Variants in CCDC102B observed in about 807,000 individuals in gnomAD.
CCDC102B encodes the protein coiled-coil domain-containing protein 102B.
A neutral mutation model predicts 57.4 loss-of-function variants in CCDC102B; 75 were observed. That is an observed-to-expected ratio of 1.31 (90% confidence interval 1.08 to 1.58). CCDC102B has a LOEUF of 1.58. CCDC102B is among the 40% of genes most tolerant of loss of function. The pLI is 0.00. For missense variants in CCDC102B, 636 were observed against 582.6 expected (o/e 1.09, Z -0.94); for synonymous variants, 206 against 201.9 (o/e 1.02, Z -0.17).
exon 1 of CCDC102B, chr18:68,715,314 C>T: frequency 8.8e-7 from 1 of 1,133,664 alleles, no homozygotes; most frequent in Admixed American, 4.6e-5. Context: ...TTCACTGGGG[C>T]GCGTTTCCGG....
Position 68,837,234 on chromosome 18 carries a change from T to A in CCDC102B, c.471T>A (p.Asp157Glu). 6.2e-7 allele frequency: 1 copy of A among 1,614,110 alleles called. No homozygotes were observed. The highest frequency in any genetic ancestry group is 8.5e-7 in the Non-Finnish European group (1 of 1,180,008). The part of the protein sequence containing the change: ...KEALEAKVTQ[D>E]LKLPGFVEES... ...CATTAGAAGCTAAAGTTACCCAGGATCTGAAGCTTCCTGGCTTCGTAGAAG... is the reference window on the plus strand; with the variant it reads ...CATTAGAAGCTAAAGTTACCCAGGAACTGAAGCTTCCTGGCTTCGTAGAAG... The change falls in exon 2 of 8, where the codon GAT becomes GAA. Residue 157 changes from aspartate (D) to glutamate (E), a missense_variant. Transcript: ENST00000360242.
chr18:68,853,298 A>G (rs1348680066), intron 4 of CCDC102B, among the ~76,000 whole-genome samples: 1 of 152,202 alleles, frequency 6.6e-6, no homozygotes, highest in Non-Finnish European at 1.5e-5. Flanking sequence ...TTTGTGGGAT[A>G]GAAACTTCAA....
At chr18:68,942,276 G>A (rs796982180) in intron 6 of CCDC102B, among the ~76,000 whole-genome samples, 20 of 152,194 alleles carry the variant, frequency 1.3e-4, no homozygotes, top group African/African-American at 4.8e-4. Context: ...AGATGAAGGG[G>A]TGGCCTGCCC....
chr18:68,723,831 T>C (rs2032471701), intron 2 of CCDC102B, among the ~76,000 whole-genome samples: 1 of 152,174 alleles, frequency 6.6e-6, no homozygotes, highest in Non-Finnish European at 1.5e-5. Context: ...GTGTGGAGGA[T>C]GGAGGCCCTC....
chr18:68,910,990 G>C (rs1294050101), intron 6 of CCDC102B, among the ~76,000 whole-genome samples: 1 of 152,050 alleles, frequency 6.6e-6, no homozygotes, highest in Non-Finnish European at 1.5e-5. Context: ...GTTGGTGGGA[G>C]TGTAAATGAG....
At chr18:68,988,123 A>G (rs146214021) in intron 6 of CCDC102B, among the ~76,000 whole-genome samples, 1 of 152,306 alleles carries the variant, frequency 6.6e-6, no homozygotes, top group Non-Finnish European at 1.5e-5. Context: ...TATTCACAAG[A>G]GCAAAGATAG....
intron 1 of CCDC102B, among the ~76,000 whole-genome samples, chr18:68,813,997 G>C (rs1048913088): frequency 6.6e-6 from 1 of 151,972 alleles, no homozygotes; most frequent in Admixed American, 6.6e-5. Flanking sequence ...GTTAGTAAGA[G>C]AAGCCTAAAT....
chr18:68,743,955 A>G (rs1237290543), intron 2 of CCDC102B, among the ~76,000 whole-genome samples: 2 of 152,200 alleles, frequency 1.3e-5, no homozygotes, highest in Non-Finnish European at 2.9e-5. Context: ...CAAGGTTAAG[A>G]CATTTTTATT....
intron 5 of CCDC102B, among the ~76,000 whole-genome samples, chr18:68,889,533 C>A (rs141853217): frequency 0.011 from 1,620 of 152,300 alleles, 38 homozygotes; most frequent in East Asian, 0.08. Flanking sequence ...GATTCTCCTG[C>A]CTCAGCCTCC....
At chr18:68,870,390 G>A (rs1013072192) in intron 4 of CCDC102B, among the ~76,000 whole-genome samples, 5 of 152,172 alleles carry the variant, frequency 3.3e-5, no homozygotes, top group African/African-American at 9.6e-5. Flanking sequence ...ATTATCCTTC[G>A]ACCCTTGATC....
intron 6 of CCDC102B, among the ~76,000 whole-genome samples, chr18:68,935,393 AAATG>A (rs1200009406): frequency 6.6e-6 from 1 of 151,974 alleles, no homozygotes; most frequent in Admixed American, 6.6e-5. Flanking sequence ...AATGATATAG[AAATG>A]AATGTGTATC....
chr18:69,033,707 T>A (rs988554971), intron 7 of CCDC102B, among the ~76,000 whole-genome samples: 1 of 152,018 alleles, frequency 6.6e-6, no homozygotes, highest in Non-Finnish European at 1.5e-5. Context: ...GATGTATGTT[T>A]TTTTTTCCCT....
At chr18:68,944,694 T>TAAC (rs1488074029) in intron 6 of CCDC102B, among the ~76,000 whole-genome samples, 1 of 151,366 alleles carries the variant, frequency 6.6e-6, no homozygotes, top group Non-Finnish European at 1.5e-5. Context: ...TCATAGCAAA[T>TAAC]AATAATAATA....
At chr18:68,787,039 G>T (rs879850288) in intron 2 of CCDC102B, among the ~76,000 whole-genome samples, 9,953 of 149,932 alleles carry the variant, frequency 0.066, 627 homozygotes, top group African/African-American at 0.16. Context: ...TAGCATGAAG[G>T]GTTGTTGAAT....
chr18:68,906,922 G>GATACCTTT (rs58424371), intron 6 of CCDC102B, among the ~76,000 whole-genome samples: 5,640 of 149,540 alleles, frequency 0.038, 179 homozygotes, highest in African/African-American at 0.082. Flanking sequence ...GTTTATTTCT[G>GATACCTTT]ATACTTTTAT....
chr18:69,055,576 C>T (rs531262715), downstream of CCDC102B, among the ~76,000 whole-genome samples: 1 of 151,390 alleles, frequency 6.6e-6, no homozygotes, highest in Non-Finnish European at 1.5e-5. Flanking sequence ...AGTCACAATC[C>T]CATATGAGAA....
intron 5 of CCDC102B, among the ~76,000 whole-genome samples, chr18:68,893,869 C>T (rs1216926453): frequency 6.6e-6 from 1 of 152,078 alleles, no homozygotes; most frequent in African/African-American, 2.4e-5. Flanking sequence ...CCGTGTTTGT[C>T]CAGTTTCCTT....
At chr18:68,973,573 T>A (rs1293147999) in intron 6 of CCDC102B, among the ~76,000 whole-genome samples, 2 of 152,136 alleles carry the variant, frequency 1.3e-5, no homozygotes, top group Non-Finnish European at 2.9e-5. Flanking sequence ...GTACACTTTT[T>A]CTTATAAAAC....
intron 5 of CCDC102B, among the ~76,000 whole-genome samples, chr18:68,885,335 A>G (rs74622514): frequency 1.3e-3 from 193 of 152,210 alleles, no homozygotes; most frequent in Non-Finnish European, 2.4e-3. Flanking sequence ...TTTAAAAGCG[A>G]GAGAATTAGA....
Sources: gnomAD v4.1 joint callset for allele counts (sites outside exome capture counted in the v4.1 genomes callset) on GRCh38, gnomAD v4.1.1 for gene constraint, MANE v1.5 for transcripts, NCBI Gene and HGNC (gene_info 2026-07-23, HGNC 2026-07-21) for gene names.